Variants in CNTLN observed in about 807,000 individuals in gnomAD.
CNTLN encodes centlein, centrosomal protein.
A neutral mutation model predicts 180.0 loss-of-function variants in CNTLN; 212 were observed. The ratio of observed to expected loss-of-function variants is 1.18; its 90% CI spans 1.05 to 1.32. The LOEUF (loss-of-function observed/expected upper bound fraction) is 1.32, where lower values mean the gene tolerates loss of function less well. Ranked by LOEUF, CNTLN falls within the 40% of genes most tolerant of loss-of-function variation. The probability of loss-of-function intolerance (pLI) is 0.00; values close to 1 mark genes in which losing one functional copy is unlikely to be tolerated. For missense variants in CNTLN, 2,095 were observed against 1,610.9 expected, an observed-to-expected ratio of 1.30 and a Z score of -5.14; for synonymous variants, 722 against 563.1, an observed-to-expected ratio of 1.28 and a Z score of -3.99.
rs1487858782 is a variant in CNTLN at position 17,168,584 on chromosome 9, T to C, written c.449+25208T>C. 1.7e-4 allele frequency: 26 copies of C among 152,204 alleles called. 1 individual carries two copies. The highest frequency in any genetic ancestry group is 1.7e-3 in the Admixed American group (26 of 15,284). The allele number at this position is 152,204 out of a possible 1,614,324, so 9.4% of individuals were successfully genotyped here. ...CTGTTCATGCTGATTCTGTATGTGA[T>C]CTTCGATTAATTTGACAGTTGCATA... On this transcript the variant is annotated intron_variant, in intron 2 of 25. Transcript: ENST00000380647.
intron 2 of CNTLN, among the ~76,000 whole-genome samples, chr9:17,172,258 C>T (rs1820467608): frequency 6.6e-6 from 1 of 152,126 alleles, no homozygotes; most frequent in African/African-American, 2.4e-5. Flanking sequence ...GCTTTTGGGA[C>T]TGTTAAGCTC....
chr9:17,158,815 C>T (rs917187774), intron 2 of CNTLN, among the ~76,000 whole-genome samples: 1 of 151,940 alleles, frequency 6.6e-6, no homozygotes, highest in Non-Finnish European at 1.5e-5. Flanking sequence ...GAAGAACCAG[C>T]TTTTGGCTGT....
intron 5 of CNTLN, among the ~76,000 whole-genome samples, chr9:17,265,412 G>A (rs1827343714): frequency 2.0e-5 from 3 of 152,118 alleles, no homozygotes; most frequent in Admixed American, 1.3e-4. Context: ...TGGTGGATAA[G>A]CTTTTTGATG....
At chr9:17,354,472 G>T (rs10963061) in intron 12 of CNTLN, among the ~76,000 whole-genome samples, 7,071 of 152,220 alleles carry the variant, frequency 0.046, 215 homozygotes, top group South Asian at 0.15. Context: ...TCGGCACTCT[G>T]TATCTAGCTC....
chr9:17,434,120 A>G (rs1014957661), intron 18 of CNTLN, among the ~76,000 whole-genome samples: 1 of 152,156 alleles, frequency 6.6e-6, no homozygotes, highest in Non-Finnish European at 1.5e-5. Context: ...TTCTGATAAG[A>G]GGATTTGTGT....
chr9:17,478,808 C>G (rs1277388146), intron 23 of CNTLN, among the ~76,000 whole-genome samples: 3 of 152,120 alleles, frequency 2.0e-5, no homozygotes, highest in Admixed American at 1.3e-4. Flanking sequence ...ACTGGGTTCT[C>G]TATTCTGTTC....
At chr9:17,293,144 C>T (rs1011409607) in intron 6 of CNTLN, among the ~76,000 whole-genome samples, 1 of 152,186 alleles carries the variant, frequency 6.6e-6, no homozygotes, top group Non-Finnish European at 1.5e-5. Context: ...CCTGCTACTT[C>T]CTCTGGCTGG....
intron 6 of CNTLN, among the ~76,000 whole-genome samples, chr9:17,292,066 T>G (rs1165347118): frequency 6.6e-6 from 1 of 152,204 alleles, no homozygotes; most frequent in African/African-American, 2.4e-5. Flanking sequence ...GAAGCTTAGT[T>G]TGACTGGAAA....
chr9:17,145,032 G>A (rs1563817670), intron 2 of CNTLN, among the ~76,000 whole-genome samples: 1 of 149,970 alleles, frequency 6.7e-6, no homozygotes, highest in Non-Finnish European at 1.5e-5. Context: ...TAGTAGAGAC[G>A]GGGTTTCACC....
chr9:17,214,814 C>T (rs191353174), intron 2 of CNTLN, among the ~76,000 whole-genome samples: 1 of 152,322 alleles, frequency 6.6e-6, no homozygotes, highest in East Asian at 1.9e-4. Context: ...GATCTTCAAT[C>T]ACTGATACCC....
Position 17,457,686 on chromosome 9 carries a change from G to T in CNTLN, c.3277G>T (p.Glu1093Ter). The change falls in exon 19 of 26, where the codon GAA becomes TAA. Residue 1093 changes from glutamate to a stop codon, truncating the protein, a stop_gained. Coordinates refer to ENST00000380647, the MANE Select transcript of CNTLN (RefSeq NM_017738.4). LOFTEE classifies it high-confidence loss of function. Reference protein sequence around the residue: ...SLSPSRSMDLEMKQLQYKLKN... With the variant: ...SLSPSRSMDL ...TAGTCCTTCAAGGAGCATGGATTTG[G>T]AAATGAAGCAATTGCAGTATAAACT... 6.7e-7 allele frequency: 1 copy of T among 1,500,432 alleles called. No homozygotes were observed. The highest frequency in any genetic ancestry group is 8.9e-7 in the Non-Finnish European group (1 of 1,122,648). The allele number at this position is 1,500,432 out of a possible 1,614,324, so 92.9% of individuals were successfully genotyped here. A position where few individuals can be genotyped will look rare whatever the true frequency, so the allele number is the denominator to read the frequency against.
At chr9:17,483,715 T>A (rs1832761615) in intron 23 of CNTLN, among the ~76,000 whole-genome samples, 1 of 152,198 alleles carries the variant, frequency 6.6e-6, no homozygotes, top group African/African-American at 2.4e-5. Context: ...GTTCTTGATT[T>A]TTTAATGATT....
chr9:17,513,929 A>G, the CNTLN span, among the ~76,000 whole-genome samples: 993 of 152,312 alleles, frequency 6.5e-3, 15 homozygotes, highest in African/African-American at 0.023. Flanking sequence ...CATTTTAAAA[A>G]TTGTGAAAGA....
At chr9:17,471,800 T>G (rs1363384505) in intron 23 of CNTLN, among the ~76,000 whole-genome samples, 1 of 151,962 alleles carries the variant, frequency 6.6e-6, no homozygotes, top group Admixed American at 6.6e-5. Context: ...TTGTAACAGA[T>G]AAGAGAGAAG....
chr9:17,377,517 G>A (rs1306372391), intron 13 of CNTLN, among the ~76,000 whole-genome samples: 1 of 152,064 alleles, frequency 6.6e-6, no homozygotes, highest in Non-Finnish European at 1.5e-5. Flanking sequence ...CTGCAGCCTG[G>A]GCGCCACTTC....
chr9:17,497,512 T>G (rs991812956), intron 25 of CNTLN, among the ~76,000 whole-genome samples: 2 of 152,158 alleles, frequency 1.3e-5, no homozygotes, highest in Admixed American at 1.3e-4. Flanking sequence ...ATAAATAGAA[T>G]AGATCACCCA....
At chr9:17,402,361 G>A (rs953604036) in intron 15 of CNTLN, among the ~76,000 whole-genome samples, 7 of 151,790 alleles carry the variant, frequency 4.6e-5, no homozygotes, top group Non-Finnish European at 8.8e-5. Context: ...TGTATCAAGA[G>A]AGAGAAAATT....
At chr9:17,427,926 A>G (rs1298765199) in intron 18 of CNTLN, among the ~76,000 whole-genome samples, 1 of 152,192 alleles carries the variant, frequency 6.6e-6, no homozygotes, top group East Asian at 1.9e-4. Flanking sequence ...TATAATGGGA[A>G]CACAACAGTG....
intron 23 of CNTLN, among the ~76,000 whole-genome samples, chr9:17,483,018 G>C (rs185430959): frequency 6.6e-6 from 1 of 152,122 alleles, no homozygotes; most frequent in East Asian, 1.9e-4. Flanking sequence ...GAAAGGAAAA[G>C]ATTCATTAAT....
Sources: gnomAD v4.1 joint callset for allele counts (sites outside exome capture counted in the v4.1 genomes callset) on GRCh38, gnomAD v4.1.1 for gene constraint, MANE v1.5 for transcripts, NCBI Gene and HGNC (gene_info 2026-07-23, HGNC 2026-07-21) for gene names.